TMCC1: variants seen among roughly 807,000 people sequenced by gnomAD.
TMCC1 encodes transmembrane and coiled-coil domain family 1.
In TMCC1, 15 loss-of-function variants were observed where a neutral mutation model predicts 52.4. The observed-to-expected ratio is 0.29, with a 90% CI of 0.19 to 0.44. TMCC1 has a LOEUF of 0.44. Ranked by LOEUF, TMCC1 falls within the 20% of genes least tolerant of loss-of-function variation. The pLI is 1.00. For synonymous variants in TMCC1, 279 were observed against 301.9 expected, an observed-to-expected ratio of 0.92 and a Z score of 0.79; for missense variants, 503 against 806.0, an observed-to-expected ratio of 0.62 and a Z score of 4.55.
chr3:129,891,837 T>C (rs942178846), intron 1 of TMCC1, among the ~76,000 whole-genome samples: 1 of 152,220 alleles, frequency 6.6e-6, no homozygotes, highest in African/African-American at 2.4e-5. Context: ...TTATATGTTC[T>C]GCACATTTAT....
chr3:129,786,192 G>A (rs1443516061), intron 4 of TMCC1, among the ~76,000 whole-genome samples: 2 of 151,918 alleles, frequency 1.3e-5, no homozygotes, highest in Admixed American at 1.3e-4. Flanking sequence ...CACCTGCCTC[G>A]GCCTCCCAAA....
chr3:129,763,222 A>G (rs1224874733), intron 4 of TMCC1, among the ~76,000 whole-genome samples: 2 of 144,090 alleles, frequency 1.4e-5, no homozygotes, highest in Non-Finnish European at 3.0e-5. Context: ...AAATAAATAA[A>G]TAAATAAATA....
chr3:129,887,836 G>C (rs2061788536), intron 1 of TMCC1, among the ~76,000 whole-genome samples: 1 of 152,122 alleles, frequency 6.6e-6, no homozygotes, highest in Non-Finnish European at 1.5e-5. Context: ...AATACTAGAA[G>C]CTGTCAAAAC....
chr3:129,866,355 A>AT (rs2060645544), intron 2 of TMCC1, among the ~76,000 whole-genome samples: 1 of 120,108 alleles, frequency 8.3e-6, no homozygotes, highest in African/African-American at 3.3e-5. Flanking sequence ...TATATACATA[A>AT]TATATATTTT....
intron 2 of TMCC1, among the ~76,000 whole-genome samples, chr3:129,872,766 T>C (rs1173900705): frequency 1.3e-5 from 2 of 152,122 alleles, no homozygotes; most frequent in Non-Finnish European, 2.9e-5. Flanking sequence ...TAGTGCTGAA[T>C]TACCTATCTC....
intron 5 of TMCC1, among the ~76,000 whole-genome samples, chr3:129,657,781 AT>A (rs1258761426): frequency 6.6e-6 from 1 of 152,208 alleles, no homozygotes; most frequent in Non-Finnish European, 1.5e-5. Context: ...GCATGGAGAA[AT>A]CTAAACCCTC....
intron 2 of TMCC1, among the ~76,000 whole-genome samples, chr3:129,874,895 T>A (rs2061118539): frequency 6.6e-6 from 1 of 152,032 alleles, no homozygotes; most frequent in South Asian, 2.1e-4. Context: ...GAAAATAAAC[T>A]TCATATATTT....
intron 4 of TMCC1, among the ~76,000 whole-genome samples, chr3:129,776,623 CCTTT>C (rs1464687834): frequency 6.6e-6 from 1 of 152,042 alleles, no homozygotes; most frequent in East Asian, 1.9e-4. Flanking sequence ...CAAGAATATT[CCTTT>C]ATTACTTATT....
chr3:129,709,037 T>C (rs1243670252), intron 4 of TMCC1, among the ~76,000 whole-genome samples: 1 of 152,190 alleles, frequency 6.6e-6, no homozygotes, highest in African/African-American at 2.4e-5. Context: ...AACTAAATGC[T>C]AAGGAGGCTG....
At chr3:129,858,173 TG>T (rs144079938) in intron 2 of TMCC1, among the ~76,000 whole-genome samples, 1,800 of 152,182 alleles carry the variant, frequency 0.012, 25 homozygotes, top group African/African-American at 0.041. Flanking sequence ...GCAGAAAAAC[TG>T]GAACTTACAC....
chr3:129,776,127 A>C (rs1243728125), intron 4 of TMCC1, among the ~76,000 whole-genome samples: 1 of 152,178 alleles, frequency 6.6e-6, no homozygotes, highest in Non-Finnish European at 1.5e-5. Flanking sequence ...TCTCATCTCA[A>C]ATATCACCTC....
chr3:129,799,419 G>T (rs1028184038), intron 4 of TMCC1, among the ~76,000 whole-genome samples: 12 of 152,128 alleles, frequency 7.9e-5, no homozygotes, highest in African/African-American at 2.9e-4. Context: ...ATTCTGTAAT[G>T]GTATTTTTCA....
intron 4 of TMCC1, among the ~76,000 whole-genome samples, chr3:129,764,783 ATATATATTTTTTTTTTTTTTTT>A (rs1464775413): frequency 6.1e-4 from 46 of 75,568 alleles, no homozygotes; most frequent in Middle Eastern, 7.7e-3. Context: ...ATATATATAT[ATATATATTTTTTTTTTTTTTTT>A]TTTTTTTTTT....
intron 4 of TMCC1, among the ~76,000 whole-genome samples, chr3:129,750,183 T>C (rs2052365652): frequency 6.6e-6 from 1 of 152,086 alleles, no homozygotes; most frequent in Non-Finnish European, 1.5e-5. Context: ...TTTATTTTAT[T>C]ATTATTTATT....
In TMCC1 at chr3:129,818,433, CTTTTAAAGAAAAG is replaced by C. The variant is rs1002435443; in HGVS notation, c.576+9357_576+9369del. ...CTTTTAAAGAAAAGTTTTAAAGAAA[CTTTTAAAGAAAAG>C]TTTTAAAGAAACTTTTAAAGAAAAG... On this transcript the variant is annotated intron_variant, in intron 4 of 6. Coordinates refer to ENST00000393238, the MANE Select transcript of TMCC1 (RefSeq NM_001017395.5). Among the ~76,000 whole-genome samples the C allele has an allele frequency of 1.5e-3, 225 of 145,758 alleles. 3 individuals carry two copies. The highest frequency in any genetic ancestry group is 4.1e-4 in the Non-Finnish European group (27 of 66,354).
intron 4 of TMCC1, among the ~76,000 whole-genome samples, chr3:129,709,540 T>C (rs1262814011): frequency 7.0e-6 from 1 of 143,666 alleles, no homozygotes; most frequent in Non-Finnish European, 1.5e-5. Flanking sequence ...GCTAACACCA[T>C]TTACTTTTCT....
Position 129,670,872 on chromosome 3 carries a change from C to G in TMCC1, c.969G>C (p.Arg323Ser). ...CATCCTTCAGACCCTGGTGCATGTC[C>G]CTGAAGACATCCTTTGGCTGCCGGG... ...GIPRQPKDVF[R>S]DMHQGLKDVG... Residue 323 changes from arginine (R) to serine (S), a missense_variant, in exon 5 of 7, where the codon AGG (arginine) becomes AGC (serine). Physicochemically the swap from Arg to Ser is moderately radical, Grantham distance 110. Coordinates refer to ENST00000393238, the MANE Select transcript of TMCC1 (RefSeq NM_001017395.5). The G allele has an allele frequency of 6.2e-7, 1 of 1,614,162 alleles. No homozygotes were observed. Among genetic ancestry groups the G allele is most frequent in the Non-Finnish European group, 8.5e-7 (1 of 1,180,030 alleles).
chr3:129,778,013 C>A (rs1435858014), intron 4 of TMCC1, among the ~76,000 whole-genome samples: 1 of 152,146 alleles, frequency 6.6e-6, no homozygotes, highest in Non-Finnish European at 1.5e-5. Flanking sequence ...TGCCTAAACT[C>A]TAGTGATCAA....
chr3:129,871,237 T>C (rs2060913690), intron 2 of TMCC1, among the ~76,000 whole-genome samples: 2 of 151,970 alleles, frequency 1.3e-5, no homozygotes, highest in South Asian at 2.1e-4. Flanking sequence ...CATGTGCCTG[T>C]AATCCCAGTT....
Sources: allele counts gnomAD v4.1 joint callset (sites outside exome capture counted in the v4.1 genomes callset), GRCh38; gene constraint gnomAD v4.1.1; transcripts MANE v1.5; gene names NCBI Gene and HGNC (gene_info 2026-07-23, HGNC 2026-07-21).